Variants in SLC25A24 observed in about 807,000 individuals in gnomAD.
The protein encoded by SLC25A24 is mitochondrial adenyl nucleotide antiporter SLC25A24.
A neutral mutation model predicts 60.7 loss-of-function variants in SLC25A24; 49 were observed. The ratio of observed to expected loss-of-function variants is 0.81; its 90% CI spans 0.64 to 1.02. The LOEUF is 1.02. Among genes scored for constraint, SLC25A24 ranks in the 50% least tolerant of loss-of-function variants. The pLI is 0.00. For synonymous variants in SLC25A24, 202 were observed against 200.6 expected (o/e 1.01, Z -0.06); for missense variants, 564 against 586.3 (o/e 0.96, Z 0.39).
chr1:108,134,842 T>C lies in SLC25A24; in HGVS notation c.*1811A>G, dbSNP rs1419557907. On this transcript the variant is annotated 3_prime_UTR_variant, in exon 10 of 10. Coordinates refer to ENST00000565488, the MANE Select transcript of SLC25A24 (RefSeq NM_013386.5). ...AAGTAATTTTAGAAACAAATATATA[T>C]TTTTGATAGAAACTGTAAGTAAATA... is the stretch of plus-strand genomic sequence containing the variant. 1 of 152,078 alleles carries C rather than the reference T, an allele frequency of 6.6e-6. No homozygotes were observed. Among genetic ancestry groups the C allele is most frequent in the East Asian group, 1.9e-4 (1 of 5,208 alleles). The allele number at this position is 152,078 out of a possible 1,614,324, so 9.4% of individuals were successfully genotyped here. A position where few individuals can be genotyped will look rare whatever the true frequency, so the allele number is the denominator to read the frequency against.
intron 1 of SLC25A24, among the ~76,000 whole-genome samples, chr1:108,187,997 T>C (rs924504398): frequency 7.1e-6 from 1 of 141,142 alleles, no homozygotes; most frequent in Non-Finnish European, 1.5e-5. Flanking sequence ...ATGACAGTGA[T>C]TTAGTAAGGT....
rs571810432 is a variant in SLC25A24 at position 108,191,044 on chromosome 1, A to G, written c.184-5090T>C. 1.8e-4 allele frequency among the ~76,000 whole-genome samples: 26 copies of G among 140,856 alleles called. 3 individuals are homozygous for G. Among genetic ancestry groups the G allele is most frequent in the African/African-American group, 2.7e-4 (11 of 40,542 alleles). 92.4% of individuals were successfully genotyped at this position (140,856 alleles called of 152,430 possible). Reference sequence around the variant, plus strand: ...CTTGATAGCTAACCCAGAATTTCTTATGAAAGGCTAGTTTGTATCAAATAA... The same window carrying G: ...CTTGATAGCTAACCCAGAATTTCTTGTGAAAGGCTAGTTTGTATCAAATAA... On this transcript the variant is annotated intron_variant, in intron 1 of 9. Transcript: ENST00000565488.
At chr1:108,160,427 A>G (rs1235605364) in intron 4 of SLC25A24, among the ~76,000 whole-genome samples, 4 of 134,326 alleles carry the variant, frequency 3.0e-5, no homozygotes, top group Admixed American at 7.5e-5. Context: ...CTTCCTAGAC[A>G]GGATGGCGGC....
intron 1 of SLC25A24, among the ~76,000 whole-genome samples, chr1:108,188,438 T>G (rs2101644087): frequency 6.6e-6 from 1 of 152,272 alleles, no homozygotes; most frequent in Non-Finnish European, 1.5e-5. Context: ...CACAAATACT[T>G]AGTGTGTTAT....
chr1:108,197,885 G>C (rs1648543597), intron 1 of SLC25A24, among the ~76,000 whole-genome samples: 2 of 152,206 alleles, frequency 1.3e-5, no homozygotes, highest in South Asian at 2.1e-4. Context: ...GAGGTGTCAG[G>C]GTTACGGAGG....
intron 7 of SLC25A24, among the ~76,000 whole-genome samples, chr1:108,146,059 T>C (rs1321361345): frequency 6.6e-6 from 1 of 152,216 alleles, no homozygotes; most frequent in Admixed American, 6.5e-5. Flanking sequence ...TGAAATGTTT[T>C]TCCATTTGTT....
At chr1:108,199,019 C>T (rs1648582426) in intron 1 of SLC25A24, 1 of 152,204 alleles carries the variant, frequency 6.6e-6, no homozygotes, top group African/African-American at 2.4e-5. Flanking sequence ...AACCTACCTA[C>T]AGATTCAGTC....
intron 3 of SLC25A24, among the ~76,000 whole-genome samples, chr1:108,166,011 T>C (rs967434218): frequency 1.3e-5 from 2 of 152,170 alleles, no homozygotes; most frequent in African/African-American, 4.8e-5. Flanking sequence ...TCTCTCAGCA[T>C]TTGCTTGTCT....
At chr1:108,168,268 AG>A (rs1647290632) in intron 3 of SLC25A24, among the ~76,000 whole-genome samples, 1 of 152,214 alleles carries the variant, frequency 6.6e-6, no homozygotes, top group African/African-American at 2.4e-5. Flanking sequence ...TGAGAGTCCT[AG>A]TCACTACTTA....
chr1:108,148,911 C>G (rs1314041365), intron 6 of SLC25A24, among the ~76,000 whole-genome samples: 1 of 152,158 alleles, frequency 6.6e-6, no homozygotes, highest in African/African-American at 2.4e-5. Flanking sequence ...AGAGCAAGGC[C>G]TAAATGCTAA....
intron 1 of SLC25A24, chr1:108,199,326 G>C (rs188826431): frequency 6.6e-6 from 1 of 152,284 alleles, no homozygotes; most frequent in Non-Finnish European, 1.5e-5. Context: ...AAGTTCAGGG[G>C]CACAGTTAAG....
rs150362921 is a variant in SLC25A24, at chr1:108,176,829, G to A, written c.398+5112C>T. Reference sequence around the variant, plus strand: ...ACTTTCCCAGACAAACAATAGCTGAGGGAGATAATCATGACCGCACCTATT... The same window carrying A: ...ACTTTCCCAGACAAACAATAGCTGAAGGAGATAATCATGACCGCACCTATT... On this transcript the variant is annotated intron_variant, in intron 3 of 9. Coordinates refer to ENST00000565488, the MANE Select transcript of SLC25A24 (RefSeq NM_013386.5). Among the ~76,000 whole-genome samples, 30 of 152,216 alleles carry A rather than the reference G, an allele frequency of 2.0e-4. No individual in the cohort carries two copies. In the East Asian group the frequency reaches 5.8e-3, roughly 29 times the overall value.
intron 6 of SLC25A24, 46 bp downstream of exon 6, chr1:108,154,937 T>C: frequency 6.9e-7 from 1 of 1,444,648 alleles, no homozygotes; most frequent in Non-Finnish European, 9.5e-7. Context: ...TGAATCCGTT[T>C]ACTAACTCCT....
chr1:108,185,945 T>C lies in SLC25A24; in HGVS notation c.193A>G (p.Thr65Ala), dbSNP rs1432335553. The C allele has an allele frequency of 3.2e-6, 5 of 1,581,072 alleles. No homozygotes were observed. The South Asian group carries it at 3.5e-5, about 11-fold the overall frequency. Residue 65 changes from threonine to alanine, a missense_variant, in exon 2 of 10, where the codon ACT becomes GCT. Thr to Ala is a moderately conservative substitution (Grantham distance 58, BLOSUM62 0). Coordinates refer to ENST00000565488, the MANE Select transcript of SLC25A24 (RefSeq NM_013386.5). ...CCATCTTTGTTGACATCTCCAGTAG[T>C]AAAAATTTTCTATAAAAAAAAATTA... ...LGQDAEEKIF[T>A]TGDVNKDGKL...
intron 3 of SLC25A24, among the ~76,000 whole-genome samples, chr1:108,171,945 G>A (rs921685672): frequency 1.3e-5 from 2 of 152,164 alleles, no homozygotes; most frequent in Admixed American, 6.5e-5. Flanking sequence ...CCTAACCACT[G>A]AGCTATACAA....
intron 3 of SLC25A24, among the ~76,000 whole-genome samples, chr1:108,162,719 A>G (rs1235855080): frequency 5.3e-5 from 8 of 152,120 alleles, no homozygotes; most frequent in East Asian, 1.9e-4. Context: ...AGTAGGTTGC[A>G]AAAATTTTCT....
intron 1 of SLC25A24, among the ~76,000 whole-genome samples, chr1:108,187,944 A>ATATATATATATATT (rs1484349424): frequency 6.9e-6 from 1 of 145,872 alleles, no homozygotes; most frequent in African/African-American, 2.5e-5. Context: ...ATATATATAT[A>ATATATATATATATT]TTCATGCACT....
chr1:108,192,911 G>C lies in SLC25A24; in HGVS notation c.184-6957C>G, dbSNP rs1282570511. 2.2e-5 allele frequency: 10 copies of C among 463,076 alleles called. 3 individuals are homozygous for C. The Middle Eastern group carries it at 2.3e-3, about 105-fold the overall frequency. 28.7% of individuals were successfully genotyped at this position (463,076 alleles called of 1,614,324 possible). A position where few individuals can be genotyped will look rare whatever the true frequency, so the allele number is the denominator to read the frequency against. On this transcript the variant is annotated intron_variant, in intron 1 of 9. Coordinates refer to ENST00000565488, the MANE Select transcript of SLC25A24 (RefSeq NM_013386.5). ...ACCGCGGAGTTCCTGCCTCACTCACGTCTGATCAGAAGCCCCGGCTCCCAC... is the reference window on the plus strand; with the variant it reads ...ACCGCGGAGTTCCTGCCTCACTCACCTCTGATCAGAAGCCCCGGCTCCCAC...
At chr1:108,182,196 C>T (rs1647953524) in intron 2 of SLC25A24, among the ~76,000 whole-genome samples, 168 bp from the exon 3 acceptor site, 1 of 152,114 alleles carries the variant, frequency 6.6e-6, no homozygotes, top group South Asian at 2.1e-4. Context: ...AACATCAATA[C>T]TAAAAATGTA....
Sources: gnomAD v4.1 joint callset for allele counts (sites outside exome capture counted in the v4.1 genomes callset) on GRCh38, gnomAD v4.1.1 for gene constraint, MANE v1.5 for transcripts, NCBI Gene and HGNC (gene_info 2026-07-23, HGNC 2026-07-21) for gene names.